The following IKZF3 variants were observed in gnomAD, a reference collection of about 807,000 sequenced individuals.
The protein encoded by IKZF3 is zinc finger protein Aiolos.
In IKZF3, 10 loss-of-function variants were observed where a neutral mutation model predicts 49.0. That is an observed-to-expected ratio of 0.20 (90% CI 0.13 to 0.35). The LOEUF (loss-of-function observed/expected upper bound fraction) is 0.35, where lower values mean the gene tolerates loss of function less well. Among genes scored for constraint, IKZF3 ranks in the 10% least tolerant of loss-of-function variants. The pLI is 1.00. For missense variants in IKZF3, 498 were observed against 664.8 expected, an observed-to-expected ratio of 0.75 and a Z score of 2.76; for synonymous variants, 209 against 228.2, an observed-to-expected ratio of 0.92 and a Z score of 0.76.
At position 39,757,794 on chromosome 17, in the gene IKZF3, C is replaced by A. The variant is rs763650664; in HGVS notation, c.*7996G>T. On this transcript the variant is annotated 3_prime_UTR_variant, in exon 8 of 8. Transcript: ENST00000346872. ...TAAACCTAGAAAACTATCAGCAGGG[C>A]TATTTCTTACAGGGTTCCAGCAAGG... The A allele has an allele frequency of 1.3e-5, 2 of 152,150 alleles. No homozygotes were observed. The highest frequency in any genetic ancestry group is 2.9e-5 in the Non-Finnish European group (2 of 68,028). The allele number at this position is 152,150 out of a possible 1,614,324, so 9.4% of individuals were successfully genotyped here. A position where few individuals can be genotyped will look rare whatever the true frequency, so the allele number is the denominator to read the frequency against.
chr17:39,824,833 C>T (rs901547706), intron 3 of IKZF3, among the ~76,000 whole-genome samples: 2 of 152,016 alleles, frequency 1.3e-5, no homozygotes, highest in African/African-American at 4.8e-5. Context: ...GTAGCTGGGA[C>T]TACAGGTGCC....
In IKZF3 at chr17:39,822,429, C is replaced by T. The variant is rs1451973528; in HGVS notation, c.163+6958G>A. Among the ~76,000 whole-genome samples the T allele has an allele frequency of 3.3e-5, 5 of 152,242 alleles. No individual in the cohort carries two copies. In the East Asian group the frequency reaches 5.8e-4, roughly 18 times the overall value. The stretch of plus-strand genomic sequence containing the variant: ...TGGTTTAATGAGTATCCGATATTTC[C>T]CCTCTGGCACTCACTCTCTCTTCTG... On this transcript the variant is annotated intron_variant, in intron 3 of 7. Transcript: ENST00000346872.
chr17:39,791,311 C>G, intron 5 of IKZF3, 105 bp downstream of exon 5: 1 of 1,219,992 alleles, frequency 8.2e-7, no homozygotes, highest in Non-Finnish European at 1.2e-6. Flanking sequence ...CCCTTCAGAA[C>G]AAGAATGACA....
chr17:39,824,654 G>T (rs772526854), intron 3 of IKZF3, among the ~76,000 whole-genome samples: 1 of 151,592 alleles, frequency 6.6e-6, no homozygotes. Context: ...CCCCATGTTG[G>T]TCTTGTGATA....
intron 3 of IKZF3, among the ~76,000 whole-genome samples, chr17:39,827,486 T>A (rs2061988277): frequency 6.6e-6 from 1 of 152,018 alleles, no homozygotes; most frequent in South Asian, 2.1e-4. Context: ...ATAATTTTTT[T>A]TTATAGAGAT....
chr17:39,780,198 T>C (rs1042487159), intron 6 of IKZF3, among the ~76,000 whole-genome samples: 1 of 149,906 alleles, frequency 6.7e-6, no homozygotes, highest in Non-Finnish European at 1.5e-5. Context: ...ACCAACCTAT[T>C]AGTGCCAGTG....
chr17:39,847,241 T>C (rs1437056458), intron 1 of IKZF3, among the ~76,000 whole-genome samples: 1 of 152,126 alleles, frequency 6.6e-6, no homozygotes, highest in Non-Finnish European at 1.5e-5. Flanking sequence ...ATTCCTCAAA[T>C]TCCATCAGTA....
At chr17:39,788,990 T>G (rs574281815) in intron 5 of IKZF3, among the ~76,000 whole-genome samples, 122 of 152,236 alleles carry the variant, frequency 8.0e-4, no homozygotes, top group African/African-American at 2.8e-3. Flanking sequence ...CAGGCTTGGG[T>G]GCAGTGGTGA....
rs978591750 is a variant in IKZF3 at position 39,763,286 on chromosome 17, C to G, written c.*2504G>C. On this transcript the variant is annotated 3_prime_UTR_variant, in exon 8 of 8. Coordinates refer to ENST00000346872, the MANE Select transcript of IKZF3 (RefSeq NM_012481.5). ...GCCATTTGTGCAGTCTGAGGTGGAA[C>G]ATTTTAATTACTGGCAGCACATAGA... 1 of 152,164 alleles carries G rather than the reference C, an allele frequency of 6.6e-6. No homozygotes were observed. The allele number at this position is 152,164 out of a possible 1,614,324, so 9.4% of individuals were successfully genotyped here. A position where few individuals can be genotyped will look rare whatever the true frequency, so the allele number is the denominator to read the frequency against.
rs116119246 is a variant in IKZF3, at chr17:39,859,297, T to G, written c.7+4823A>C. Among the ~76,000 whole-genome samples, 1,142 of 151,684 alleles carry G rather than the reference T, an allele frequency of 7.5e-3. 15 individuals are homozygous for G. The highest frequency in any genetic ancestry group is 0.026 in the African/African-American group (1,064 of 41,466). The stretch of plus-strand genomic sequence containing the variant: ...GATTACTTTTCAAACAATCTATATA[T>G]ATTATAAATAAATTATAATTATTGT... On this transcript the variant is annotated intron_variant, in intron 1 of 7. Coordinates refer to ENST00000346872, the MANE Select transcript of IKZF3 (RefSeq NM_012481.5).
chr17:39,838,806 T>C (rs1320269818), intron 1 of IKZF3, among the ~76,000 whole-genome samples: 1 of 152,214 alleles, frequency 6.6e-6, no homozygotes, highest in Non-Finnish European at 1.5e-5. Context: ...GAATTCTATA[T>C]GTTCCTCTGA....
chr17:39,795,728 T>C (rs1352513122), intron 3 of IKZF3, among the ~76,000 whole-genome samples: 2 of 151,588 alleles, frequency 1.3e-5, no homozygotes, highest in Non-Finnish European at 1.5e-5. Context: ...TATTCTAATA[T>C]TCAACTCTGT....
chr17:39,774,695 A>G (rs1339435522), intron 7 of IKZF3, among the ~76,000 whole-genome samples: 1 of 152,232 alleles, frequency 6.6e-6, no homozygotes, highest in African/African-American at 2.4e-5. Context: ...AGAATACCAT[A>G]TATATGACAG....
chr17:39,792,734 A>T lies in IKZF3; in HGVS notation c.363T>A (p.Asp121Glu). The T allele has an allele frequency of 6.2e-7, 1 of 1,614,128 alleles. No individual in the cohort carries two copies. The highest frequency in any genetic ancestry group is 8.5e-7 in the Non-Finnish European group (1 of 1,179,970). ...AGCTGATGCAGGATAATCCACACAC[A>T]TCGCAGTTCATCTTTCCACTGGTTG... ...SRPTSGKMNC[D>E]VCGLSCISFN... The change falls in exon 4 of 8, where the codon GAT (aspartate) becomes GAA (glutamate). Residue 121 changes from aspartate to glutamate, a missense_variant. By Grantham distance (45) the Asp-to-Glu change is conservative. This residue lies in a region of IKZF3 where 84 missense variants were observed against 168.6 expected (regional missense o/e 0.50). Transcript: ENST00000346872.
At chr17:39,813,909 G>A (rs2061619276) in intron 3 of IKZF3, among the ~76,000 whole-genome samples, 2 of 152,204 alleles carry the variant, frequency 1.3e-5, no homozygotes, top group Non-Finnish European at 2.9e-5. Flanking sequence ...AAGCAGTACC[G>A]CGGGAGCCTC....
chr17:39,772,481 A>C (rs568348461), intron 7 of IKZF3, among the ~76,000 whole-genome samples: 1 of 152,332 alleles, frequency 6.6e-6, no homozygotes, highest in African/African-American at 2.4e-5. Flanking sequence ...AATGAACAAA[A>C]AAGGCAGGAA....
In IKZF3 at chr17:39,791,422, G is replaced by A; in HGVS notation, c.586C>T (p.His196Tyr). ...RDALTGHLRT[H>Y]SVEKPYKCEF... is the part of the protein sequence containing the mutation. ...GCTCATTTCTCTCACTTACCAGAATGTGTCCTAAGATGCCCCGTGAGCGCA... is the reference window on the plus strand; with the variant it reads ...GCTCATTTCTCTCACTTACCAGAATATGTCCTAAGATGCCCCGTGAGCGCA... Residue 196 changes from histidine (H) to tyrosine (Y), a missense_variant, in exon 5 of 8, where the codon CAT becomes TAT. Physicochemically the swap from His to Tyr is moderately conservative, Grantham distance 83 (BLOSUM62 2). This residue lies in a region of IKZF3 where 84 missense variants were observed against 168.6 expected (regional missense o/e 0.50). Transcript: ENST00000346872. 1 of 1,613,836 alleles carries A rather than the reference G, an allele frequency of 6.2e-7. No homozygotes were observed. The highest frequency in any genetic ancestry group is 8.5e-7 in the Non-Finnish European group (1 of 1,179,846).
At chr17:39,829,522 C>CA (rs777350151) in intron 2 of IKZF3, 34 bp from the exon 3 acceptor site, 1 of 1,465,068 alleles carries the variant, frequency 6.8e-7, no homozygotes, top group South Asian at 1.1e-5. Context: ...GTATGTGGTT[C>CA]AACGTTAAAG....
intron 3 of IKZF3, among the ~76,000 whole-genome samples, chr17:39,811,142 T>C (rs1485423888): frequency 2.6e-5 from 4 of 151,238 alleles, no homozygotes; most frequent in Non-Finnish European, 4.4e-5. Flanking sequence ...GAGGTTGAGG[T>C]GGAAGTATTG....
Sources: gnomAD v4.1 joint callset for allele counts (sites outside exome capture counted in the v4.1 genomes callset) on GRCh38, gnomAD v4.1.1 for gene constraint, gnomAD v4.1.1 regional missense constraint, MANE v1.5 for transcripts, NCBI Gene and HGNC (gene_info 2026-07-23, HGNC 2026-07-21) for gene names.